Variants in DLEC1 observed in about 807,000 individuals in gnomAD.
DLEC1 encodes DLEC1 cilia and flagella associated protein.
DLEC1 carries 146 observed loss-of-function variants against 198.1 expected under a neutral mutation model. The ratio of observed to expected loss-of-function variants is 0.74; its 90% CI spans 0.64 to 0.85. The LOEUF (loss-of-function observed/expected upper bound fraction) is 0.85. DLEC1 is among the 40% of genes least tolerant of loss of function. The pLI is 0.00. For synonymous variants in DLEC1, 897 were observed against 866.8 expected (o/e 1.03, Z -0.61); for missense variants, 2,233 against 2,220.0 (o/e 1.01, Z -0.12).
At position 38,101,223 on chromosome 3, in the gene DLEC1, C is replaced by T. The variant is rs377233509; in HGVS notation, c.2864+798C>T. On this transcript the variant is annotated intron_variant, in intron 19 of 36. Transcript: ENST00000308059. ...CTGTAATCCCAGCACTTTGGGAGGC[C>T]GAGGCAGGCAAATCACGAGGTCAGG... is the stretch of plus-strand genomic sequence containing the variant. 2.2e-4 allele frequency among the ~76,000 whole-genome samples: 34 copies of T among 152,106 alleles called. 1 individual carries two copies. In the East Asian group the frequency reaches 4.6e-3, roughly 21 times the overall value.
chr3:38,067,739 G>A (rs999015660), intron 6 of DLEC1, among the ~76,000 whole-genome samples: 1 of 149,288 alleles, frequency 6.7e-6, no homozygotes, highest in African/African-American at 2.5e-5. Context: ...GACAATGCAA[G>A]TGAGTATCTG....
rs1197387308 is a variant in DLEC1, at chr3:38,120,496, C to G, written c.4753C>G (p.Leu1585Val). The change falls in exon 34 of 37, where the codon CTC (leucine) becomes GTC (valine). Residue 1585 changes from leucine to valine, a missense_variant. By Grantham distance (32) the Leu-to-Val change is conservative. Coordinates refer to ENST00000308059, the MANE Select transcript of DLEC1 (RefSeq NM_007335.4). ...CCTGGAGCTGCTCTCCTATCAGAAG[C>G]TCCCAGCTGACCAGACACTGCCTGG... ...LSLELLSYQK[L>V]PADQTLPGVD... 2 of 1,614,240 alleles carry G rather than the reference C, an allele frequency of 1.2e-6. No individual in the cohort carries two copies. Among genetic ancestry groups the G allele is most frequent in the South Asian group, 2.2e-5 (2 of 91,082 alleles).
At chr3:38,077,975 A>G (rs1396990449) in intron 6 of DLEC1, among the ~76,000 whole-genome samples, 1 of 152,226 alleles carries the variant, frequency 6.6e-6, no homozygotes, top group African/African-American at 2.4e-5. Context: ...GTACTATAGC[A>G]TAGCCTGCCT....
chr3:38,079,624 G>A (rs1359430607), intron 6 of DLEC1, among the ~76,000 whole-genome samples: 2 of 152,226 alleles, frequency 1.3e-5, no homozygotes, highest in African/African-American at 2.4e-5. Flanking sequence ...GTGGCTGCCA[G>A]GTGAGTTGGA....
In DLEC1 at chr3:38,115,340, G is replaced by C. The variant is rs933764901; in HGVS notation, c.3856+287G>C. Among the ~76,000 whole-genome samples, 3 of 152,360 alleles carry C rather than the reference G, an allele frequency of 2.0e-5. No individual in the cohort carries two copies. The East Asian group carries it at 5.8e-4, about 29-fold the overall frequency. On this transcript the variant is annotated intron_variant, in intron 27 of 36. Coordinates refer to ENST00000308059, the MANE Select transcript of DLEC1 (RefSeq NM_007335.4). ...GGGATACAGCGGGGACAGGACAGCA[G>C]GGTTTCTGCCGAGGGGCTTCCCTCC...
chr3:38,071,056 C>A (rs1191606649), intron 6 of DLEC1, among the ~76,000 whole-genome samples: 1 of 152,080 alleles, frequency 6.6e-6, no homozygotes, highest in Non-Finnish European at 1.5e-5. Flanking sequence ...AGGGCTGCTT[C>A]AAGCGGGATT....
chr3:38,117,122 TGGG>T, intron 30 of DLEC1, 22 bp downstream of exon 30: 2 of 1,613,556 alleles, frequency 1.2e-6, no homozygotes, highest in Admixed American at 1.7e-5. Flanking sequence ...CGGCCTGGGG[TGGG>T]GGCCGCAGCC....
intron 10 of DLEC1, among the ~76,000 whole-genome samples, chr3:38,090,000 A>G (rs1315904389): frequency 6.6e-6 from 1 of 152,190 alleles, no homozygotes; most frequent in African/African-American, 2.4e-5. Flanking sequence ...CAACATAGTG[A>G]TATACTGTCT....
At chr3:38,119,772 G>A (rs894186956) in intron 33 of DLEC1, among the ~76,000 whole-genome samples, 1 of 152,050 alleles carries the variant, frequency 6.6e-6, no homozygotes, top group Non-Finnish European at 1.5e-5. Context: ...GGGCTCAAGC[G>A]ATCCTCCCAA....
intron 6 of DLEC1, among the ~76,000 whole-genome samples, chr3:38,066,559 C>G (rs1350190263): frequency 6.6e-6 from 1 of 152,322 alleles, no homozygotes; most frequent in African/African-American, 2.4e-5. Flanking sequence ...AGAGCAGAGG[C>G]TTTCCTCATT....
rs759486330 is a variant in DLEC1 at position 38,059,858 on chromosome 3, G to A, written c.673+6G>A. 1 of 1,612,754 alleles carries A rather than the reference G, an allele frequency of 6.2e-7. No individual in the cohort carries two copies. Among genetic ancestry groups the A allele is most frequent in the Non-Finnish European group, 8.5e-7 (1 of 1,179,100 alleles). On this transcript the variant is annotated splice_donor_region_variant and intron_variant, in intron 3 of 36. Transcript: ENST00000308059. Reference sequence around the variant, plus strand: ...GTTTCACTCTGCACCTAAAGGTAATGCTTCTGTGCTCTCAAGGCCTCTGAT... The same window carrying A: ...GTTTCACTCTGCACCTAAAGGTAATACTTCTGTGCTCTCAAGGCCTCTGAT...
At chr3:38,055,076 T>C (rs1264990423) in intron 2 of DLEC1, among the ~76,000 whole-genome samples, 4 of 152,172 alleles carry the variant, frequency 2.6e-5, no homozygotes, top group Admixed American at 6.5e-5. Flanking sequence ...AACAGGCCCA[T>C]TTTGGCTAGA....
At position 38,108,416 on chromosome 3, in the gene DLEC1, C is replaced by G. The variant is rs745467006; in HGVS notation, c.3030C>G (p.His1010Gln). Residue 1010 changes from histidine to glutamine, a missense_variant, in exon 21 of 37, where the codon CAC becomes CAG. Transcript: ENST00000308059. ...CATGTGTCTGCCAGCTCCTCGGACA[C>G]CAAGCAGAATTCTGCATGGTGACAG... The part of the protein sequence containing the change: ...TQFHWGKLLG[H>Q]QAEFCMVTVS... The G allele has an allele frequency of 2.5e-6, 4 of 1,614,070 alleles. No homozygotes were observed. The highest frequency in any genetic ancestry group is 3.4e-6 in the Non-Finnish European group (4 of 1,179,982).
chr3:38,113,965 T>G (rs1256085634), intron 25 of DLEC1, among the ~76,000 whole-genome samples: 1 of 152,032 alleles, frequency 6.6e-6, no homozygotes, highest in African/African-American at 2.4e-5. Flanking sequence ...TCAAAGGGAC[T>G]ACCAGAGGCC....
chr3:38,066,753 T>C (rs1056968390), intron 6 of DLEC1, among the ~76,000 whole-genome samples: 3 of 152,248 alleles, frequency 2.0e-5, no homozygotes. Flanking sequence ...CTATCCATAA[T>C]TCTTGAGGAA....
At chr3:38,071,283 G>A (rs1232955674) in intron 6 of DLEC1, among the ~76,000 whole-genome samples, 1 of 152,182 alleles carries the variant, frequency 6.6e-6, no homozygotes, top group Non-Finnish European at 1.5e-5. Context: ...AGAATTGGGA[G>A]GACCTAGGAT....
chr3:38,077,965 G>C (rs1248253141), intron 6 of DLEC1, among the ~76,000 whole-genome samples: 1 of 152,170 alleles, frequency 6.6e-6, no homozygotes, highest in Admixed American at 6.5e-5. Flanking sequence ...CTAGTGGCTT[G>C]TACTATAGCA....
intron 2 of DLEC1, among the ~76,000 whole-genome samples, chr3:38,048,966 G>A (rs1700993730): frequency 6.6e-6 from 1 of 152,114 alleles, no homozygotes; most frequent in African/African-American, 2.4e-5. Flanking sequence ...AATGTCCAGA[G>A]TCTTTACTGG....
intron 19 of DLEC1, among the ~76,000 whole-genome samples, chr3:38,106,109 C>T (rs1699554905): frequency 6.6e-6 from 1 of 152,148 alleles, no homozygotes; most frequent in Non-Finnish European, 1.5e-5. Flanking sequence ...ATACAAATTA[C>T]ATATTTATAC....
Sources: gnomAD v4.1 joint callset for allele counts (sites outside exome capture counted in the v4.1 genomes callset) on GRCh38, gnomAD v4.1.1 for gene constraint, MANE v1.5 for transcripts, NCBI Gene and HGNC (gene_info 2026-07-23, HGNC 2026-07-21) for gene names.